The following LPIN2 variants were observed in gnomAD, a reference collection of about 807,000 sequenced individuals.
LPIN2 encodes the protein phosphatidate phosphatase LPIN2.
LPIN2 carries 55 observed loss-of-function variants against 111.4 expected under a neutral mutation model. The observed-to-expected ratio is 0.49, with a 90% CI of 0.40 to 0.62. The LOEUF is 0.62. Ranked by LOEUF, LPIN2 falls within the 20% of genes least tolerant of loss-of-function variation. The probability of loss-of-function intolerance (pLI) is 0.00; values close to 1 mark genes in which losing one functional copy is unlikely to be tolerated. For synonymous variants in LPIN2, 425 were observed against 414.0 expected (o/e 1.03, Z -0.32); for missense variants, 992 against 1,112.1 (o/e 0.89, Z 1.54).
intron 5 of LPIN2, 126 bp from the exon 6 acceptor site, chr18:2,939,729 T>TGTA: frequency 1.1e-6 from 1 of 947,956 alleles, no homozygotes; most frequent in Non-Finnish European, 1.6e-6. Flanking sequence ...AAAAACTCTA[T>TGTA]GGAAGGGAGC....
chr18:2,996,556 C>T (rs966001400), intron 1 of LPIN2, among the ~76,000 whole-genome samples: 4 of 141,608 alleles, frequency 2.8e-5, no homozygotes, highest in South Asian at 2.4e-4. Context: ...CAGCTCACTG[C>T]AAGCTCCGGC....
chr18:2,923,837 G>C lies in LPIN2; in HGVS notation c.2112C>G (p.Leu704=), dbSNP rs775452418. The C allele has an allele frequency of 6.2e-7, 1 of 1,614,176 alleles. No individual in the cohort carries two copies. Among genetic ancestry groups the C allele is most frequent in the Admixed American group, 1.7e-5 (1 of 60,018 alleles). Residue 704 remains leucine, a synonymous_variant, in exon 16 of 20, where the codon CTC becomes CTG. Transcript: ENST00000677752. The part of the protein sequence containing the change: ...ITKSDALGQI[L]PQLGKDWTHQ... Reference sequence around the variant, plus strand: ...GGGTCCAGTCTTTGCCCAGCTGTGGGAGAATCTGTCCCAAAGCATCCGACC... The same window carrying C: ...GGGTCCAGTCTTTGCCCAGCTGTGGCAGAATCTGTCCCAAAGCATCCGACC...
At chr18:2,932,530 G>A (rs1456150373) in intron 8 of LPIN2, among the ~76,000 whole-genome samples, 1 of 152,206 alleles carries the variant, frequency 6.6e-6, no homozygotes, top group Non-Finnish European at 1.5e-5. Flanking sequence ...TAACTGGACT[G>A]ACAGAATGTT....
chr18:2,923,862 C>A lies in LPIN2; in HGVS notation c.2088-1G>T. 6.2e-7 allele frequency: 1 copy of A among 1,613,648 alleles called. No individual in the cohort carries two copies. The highest frequency in any genetic ancestry group is 1.1e-5 in the South Asian group (1 of 91,074). On this transcript the variant is annotated splice_acceptor_variant, in intron 15 of 19. Coordinates refer to ENST00000677752, the MANE Select transcript of LPIN2 (RefSeq NM_001375808.2). LOFTEE classifies it high-confidence loss of function. ...GAGAATCTGTCCCAAAGCATCCGAC[C>A]TAAGAAGACGGTAGAAACAGGAAAA...
intron 15 of LPIN2, 127 bp downstream of exon 15, chr18:2,924,271 A>AT: frequency 8.6e-7 from 1 of 1,168,490 alleles, no homozygotes; most frequent in South Asian, 1.2e-5. Context: ...GCCTCAGAGC[A>AT]TATGGCTTAT....
intron 1 of LPIN2, among the ~76,000 whole-genome samples, chr18:2,962,929 C>T (rs544416342): frequency 8.5e-5 from 13 of 152,326 alleles, no homozygotes; most frequent in African/African-American, 3.1e-4. Context: ...GTGTAACAAG[C>T]TTCCATCAAC....
At position 2,946,459 on chromosome 18, in the gene LPIN2, A is replaced by G. The variant is rs752591876; in HGVS notation, c.590+4596T>C. On this transcript the variant is annotated intron_variant, in intron 4 of 19. Coordinates refer to ENST00000677752, the MANE Select transcript of LPIN2 (RefSeq NM_001375808.2). ...CGTGAAAGACTGGAACGCCTGGGTG[A>G]TATGTGCAAGCATCGTCGGAATTGG... 24 of 1,472,522 alleles carry G rather than the reference A, an allele frequency of 1.6e-5. No individual in the cohort carries two copies. In the South Asian group the frequency reaches 2.2e-4, roughly 13 times the overall value. 91.2% of individuals were successfully genotyped at this position (1,472,522 alleles called of 1,614,324 possible). A position where few individuals can be genotyped will look rare whatever the true frequency, so the allele number is the denominator to read the frequency against.
chr18:2,926,395 G>A (rs745541072), intron 13 of LPIN2, among the ~76,000 whole-genome samples: 3 of 152,186 alleles, frequency 2.0e-5, no homozygotes, highest in Non-Finnish European at 4.4e-5. Flanking sequence ...CCAACCTGGA[G>A]ATTATTTTGT....
chr18:2,953,512 C>G (rs2077568133), intron 3 of LPIN2, among the ~76,000 whole-genome samples: 1 of 152,276 alleles, frequency 6.6e-6, no homozygotes, highest in South Asian at 2.1e-4. Flanking sequence ...GATCAAGCTT[C>G]CCCTTCATAA....
At chr18:2,985,814 C>A (rs1405055940) in intron 1 of LPIN2, among the ~76,000 whole-genome samples, 1 of 152,062 alleles carries the variant, frequency 6.6e-6, no homozygotes, top group African/African-American at 2.4e-5. Flanking sequence ...AATTGTACTC[C>A]CCCCCAGTGG....
intron 1 of LPIN2, among the ~76,000 whole-genome samples, chr18:2,978,271 G>A (rs1309836981): frequency 6.6e-6 from 1 of 152,016 alleles, no homozygotes; most frequent in Admixed American, 6.6e-5. Flanking sequence ...TTTTCCCCAA[G>A]ATACACATTC....
At chr18:2,929,309 C>A (rs760806497) in intron 9 of LPIN2, 151 bp from the exon 10 acceptor site, 1 of 622,474 alleles carries the variant, frequency 1.6e-6, no homozygotes, top group South Asian at 1.9e-5. Context: ...AAATGTCAGA[C>A]GCTTTTTTTC....
intron 4 of LPIN2, among the ~76,000 whole-genome samples, chr18:2,949,152 A>G (rs2077498129): frequency 6.6e-6 from 1 of 152,198 alleles, no homozygotes; most frequent in African/African-American, 2.4e-5. Context: ...GAAAAGTAAA[A>G]AATCTCATAC....
intron 1 of LPIN2, among the ~76,000 whole-genome samples, chr18:2,998,499 T>C (rs1208093963): frequency 6.6e-6 from 1 of 152,164 alleles, no homozygotes; most frequent in African/African-American, 2.4e-5. Flanking sequence ...CCTGCCCTTG[T>C]AGTGGTTATA....
At chr18:2,962,428 T>C (rs1568578091) in intron 1 of LPIN2, among the ~76,000 whole-genome samples, 1 of 152,128 alleles carries the variant, frequency 6.6e-6, no homozygotes. Flanking sequence ...TTGACCTCAA[T>C]AGCTAAACCA....
chr18:2,932,812 T>A (rs1246363243), intron 8 of LPIN2, among the ~76,000 whole-genome samples: 1 of 152,174 alleles, frequency 6.6e-6, no homozygotes, highest in Non-Finnish European at 1.5e-5. Context: ...CCTATGGGGA[T>A]GGGAGAGCCT....
At chr18:3,009,200 C>T (rs1023800884) in intron 1 of LPIN2, among the ~76,000 whole-genome samples, 1 of 151,850 alleles carries the variant, frequency 6.6e-6, no homozygotes, top group Non-Finnish European at 1.5e-5. Context: ...GAGATCAACA[C>T]TATTCTGGCT....
chr18:3,009,241 T>C (rs904999294), intron 1 of LPIN2, among the ~76,000 whole-genome samples: 8 of 151,504 alleles, frequency 5.3e-5, no homozygotes, highest in Non-Finnish European at 2.9e-5. Flanking sequence ...CTCCTAAAAA[T>C]ACAAAAAATT....
chr18:2,923,030 T>A (rs778057644), intron 16 of LPIN2, among the ~76,000 whole-genome samples: 1 of 152,204 alleles, frequency 6.6e-6, no homozygotes, highest in Non-Finnish European at 1.5e-5. Context: ...ACAAACGCCA[T>A]GGCACGGCTA....
Sources: allele counts gnomAD v4.1 joint callset (sites outside exome capture counted in the v4.1 genomes callset), GRCh38; gene constraint gnomAD v4.1.1; transcripts MANE v1.5; gene names NCBI Gene and HGNC (gene_info 2026-07-23, HGNC 2026-07-21).